Variants in ROR1 observed in about 807,000 individuals in gnomAD.
ROR1 encodes ROR family WNT receptor 1.
In ROR1, 19 loss-of-function variants were observed where a neutral mutation model predicts 78.8. The observed-to-expected ratio is 0.24, with a 90% CI of 0.17 to 0.35. The LOEUF (loss-of-function observed/expected upper bound fraction) is 0.35. Ranked by LOEUF, ROR1 falls within the 10% of genes least tolerant of loss-of-function variation. ROR1 has a pLI of 1.00. For missense variants in ROR1, 917 were observed against 1,177.8 expected, an observed-to-expected ratio of 0.78 and a Z score of 3.24; for synonymous variants, 386 against 433.6, an observed-to-expected ratio of 0.89 and a Z score of 1.36.
intron 4 of ROR1, among the ~76,000 whole-genome samples, chr1:64,089,695 G>A (rs1481599796): frequency 6.6e-6 from 1 of 152,162 alleles, no homozygotes; most frequent in African/African-American, 2.4e-5. Context: ...AAGAATATGT[G>A]AAAATTTGGC....
chr1:63,851,989 A>G (rs1174443974), intron 1 of ROR1, among the ~76,000 whole-genome samples: 2 of 152,286 alleles, frequency 1.3e-5, no homozygotes, highest in Non-Finnish European at 2.9e-5. Context: ...TTTTAAGACC[A>G]AAAGAAAAGG....
rs111470579 is a variant in ROR1, at chr1:63,787,524, C to CT, written c.91+13030dup. Among the ~76,000 whole-genome samples, 141 of 114,936 alleles carry CT rather than the reference C, an allele frequency of 1.2e-3. 1 individual carries two copies. The Middle Eastern group carries it at 0.013, about 10-fold the overall frequency. 75.4% of individuals were successfully genotyped at this position (114,936 alleles called of 152,430 possible). On this transcript the variant is annotated intron_variant, in intron 1 of 8. Transcript: ENST00000371079. ...TGACTTCCTTTCTTTCCTTCCTTCT[C>CT]TTTTTTTTTTTTTTCTTTTTTGATG... is the stretch of plus-strand genomic sequence containing the variant.
intron 1 of ROR1, among the ~76,000 whole-genome samples, chr1:63,827,109 A>T (rs1243757859): frequency 6.6e-6 from 1 of 152,068 alleles, no homozygotes; most frequent in Non-Finnish European, 1.5e-5. Flanking sequence ...GTGTCTGTTC[A>T]TGGCCTTTGT....
intron 1 of ROR1, among the ~76,000 whole-genome samples, chr1:63,835,731 TAGAA>T (rs1369892251): frequency 2.0e-5 from 3 of 152,330 alleles, no homozygotes; most frequent in East Asian, 1.9e-4. Flanking sequence ...GAGAAGTAGA[TAGAA>T]AGAGAATATG....
intron 2 of ROR1, among the ~76,000 whole-genome samples, chr1:64,042,560 C>T (rs915709279): frequency 2.6e-5 from 4 of 152,126 alleles, no homozygotes; most frequent in African/African-American, 9.7e-5. Flanking sequence ...TGGGGTCATC[C>T]GATGGTTTCG....
At chr1:64,117,853 C>T (rs759829676) in intron 4 of ROR1, among the ~76,000 whole-genome samples, 2 of 151,892 alleles carry the variant, frequency 1.3e-5, no homozygotes, top group Non-Finnish European at 2.9e-5. Context: ...AACATGATCA[C>T]CATCTACTTC....
Position 63,774,301 on chromosome 1 carries a change from C to T in ROR1, c.-117C>T, listed in dbSNP as rs1243165022. The stretch of plus-strand genomic sequence containing the variant: ...GGACAAAGAGCTTTGCAGACGTCCC[C>T]GGCGTCCTGCGAGCGCCAGCGGCCG... On this transcript the variant is annotated 5_prime_UTR_variant, in exon 1 of 9. Coordinates refer to ENST00000371079, the MANE Select transcript of ROR1 (RefSeq NM_005012.4). The surrounding 1 kb of genome is among the most constrained non-coding windows in gnomAD (Gnocchi z 5.7). 2 of 524,526 alleles carry T rather than the reference C, an allele frequency of 3.8e-6. No homozygotes were observed. Among genetic ancestry groups the T allele is most frequent in the East Asian group, 7.4e-5 (1 of 13,428 alleles). 32.5% of individuals were successfully genotyped at this position (524,526 alleles called of 1,614,324 possible).
At chr1:64,031,272 C>G (rs1646657630) in intron 2 of ROR1, among the ~76,000 whole-genome samples, 1 of 152,182 alleles carries the variant, frequency 6.6e-6, no homozygotes, top group South Asian at 2.1e-4. Context: ...ATTTTTCAAC[C>G]AAAGGCTACA....
At chr1:63,897,107 A>G (rs1047693925) in intron 1 of ROR1, among the ~76,000 whole-genome samples, 1 of 152,170 alleles carries the variant, frequency 6.6e-6, no homozygotes, top group East Asian at 1.9e-4. Flanking sequence ...CTTATTCACT[A>G]TTGGTACTGC....
intron 1 of ROR1, among the ~76,000 whole-genome samples, chr1:63,955,879 T>A (rs747477598): frequency 2.6e-5 from 4 of 152,122 alleles, no homozygotes; most frequent in Non-Finnish European, 5.9e-5. Context: ...TGAGCCTAGT[T>A]TTGAAGGCCA....
chr1:63,992,914 T>G lies in ROR1; in HGVS notation c.92-16391T>G, dbSNP rs184961389. 2.4e-3 allele frequency among the ~76,000 whole-genome samples: 373 copies of G among 152,292 alleles called. 3 individuals carry two copies. The highest frequency in any genetic ancestry group is 8.4e-3 in the African/African-American group (351 of 41,556). On this transcript the variant is annotated intron_variant, in intron 1 of 8. Coordinates refer to ENST00000371079, the MANE Select transcript of ROR1 (RefSeq NM_005012.4). Reference sequence around the variant, plus strand: ...TACTGTCACAACTACCCCTTATGAATTTGTGAGCCATTAGGGTAGATTCTG... The same window carrying G: ...TACTGTCACAACTACCCCTTATGAAGTTGTGAGCCATTAGGGTAGATTCTG...
chr1:64,085,336 G>A lies in ROR1; in HGVS notation c.482+34620G>A, dbSNP rs1023138068. Among the ~76,000 whole-genome samples the A allele has an allele frequency of 1.3e-4, 20 of 152,284 alleles. 1 individual carries two copies. Among genetic ancestry groups the A allele is most frequent in the African/African-American group, 4.6e-4 (19 of 41,562 alleles). On this transcript the variant is annotated intron_variant, in intron 4 of 8. Coordinates refer to ENST00000371079, the MANE Select transcript of ROR1 (RefSeq NM_005012.4). ...GAGGAAGGTGGTTTTAGGTAGGATT[G>A]TGACAGAGTGGCTCGTGCGTTGGGT...
chr1:63,966,364 A>G (rs1241022644), intron 1 of ROR1, among the ~76,000 whole-genome samples: 1 of 152,192 alleles, frequency 6.6e-6, no homozygotes, highest in African/African-American at 2.4e-5. Flanking sequence ...GCATGTCGAC[A>G]TAGTCACCAC....
intron 1 of ROR1, among the ~76,000 whole-genome samples, chr1:63,910,050 A>G (rs979851190): frequency 7.2e-5 from 11 of 152,186 alleles, no homozygotes; most frequent in African/African-American, 2.4e-4. Context: ...CACTTAATCT[A>G]TTATATAATT....
chr1:63,974,439 A>G (rs189472199), intron 1 of ROR1, among the ~76,000 whole-genome samples: 3 of 152,258 alleles, frequency 2.0e-5, no homozygotes, highest in African/African-American at 4.8e-5. Context: ...ATTCAATATG[A>G]GGTGTTTTTC....
chr1:64,087,192 C>T (rs1223948343), intron 4 of ROR1, among the ~76,000 whole-genome samples: 4 of 152,150 alleles, frequency 2.6e-5, no homozygotes, highest in Non-Finnish European at 5.9e-5. Flanking sequence ...TGGCTCCTGC[C>T]CCACCCTCTA....
chr1:63,780,544 G>C (rs1002232725), intron 1 of ROR1, among the ~76,000 whole-genome samples: 1 of 152,184 alleles, frequency 6.6e-6, no homozygotes, highest in African/African-American at 2.4e-5. Flanking sequence ...TCATTATCAA[G>C]GGCTTACTGA....
chr1:63,875,066 C>T (rs11208310), intron 1 of ROR1, among the ~76,000 whole-genome samples: 60,286 of 151,920 alleles, frequency 0.4, 13,144 homozygotes, highest in African/African-American at 0.57. Context: ...GCATAGAGAA[C>T]AGCCTGAAGC....
chr1:63,899,045 C>A (rs1437172795), intron 1 of ROR1, among the ~76,000 whole-genome samples: 1 of 152,056 alleles, frequency 6.6e-6, no homozygotes, highest in Non-Finnish European at 1.5e-5. Context: ...GCAAAGCTCT[C>A]CATCACACAG....
Sources: allele counts gnomAD v4.1 joint callset (sites outside exome capture counted in the v4.1 genomes callset), GRCh38; gene constraint gnomAD v4.1.1; non-coding constraint Gnocchi (gnomAD v3.1); transcripts MANE v1.5; gene names NCBI Gene and HGNC (gene_info 2026-07-23, HGNC 2026-07-21).